Variants in DMD observed in about 807,000 individuals in gnomAD.
The protein encoded by DMD is dystrophin.
In DMD, 63 loss-of-function variants were observed where a neutral mutation model predicts 330.1. That is an observed-to-expected ratio of 0.19 (90% CI 0.16 to 0.24). The LOEUF is 0.24. DMD is among the 10% of genes least tolerant of loss of function. The pLI, the probability that DMD is intolerant of heterozygous loss-of-function variation, is 1.00. For missense variants in DMD, 3,344 were observed against 2,684.1 expected, an observed-to-expected ratio of 1.25 and a Z score of -5.43; for synonymous variants, 1,223 against 959.8, an observed-to-expected ratio of 1.27 and a Z score of -5.07.
chrX:32,042,114 TAC>T (rs765385829), intron 44 of DMD, among the ~76,000 whole-genome samples: 83 of 91,248 alleles, frequency 9.1e-4, no homozygotes, highest in African/African-American at 3.1e-3. Flanking sequence ...TACATACATA[TAC>T]ACACATATGT....
chrX:33,067,781 G>A (rs2094687693), intron 1 of DMD, among the ~76,000 whole-genome samples: 1 of 110,888 alleles, frequency 9.0e-6, no homozygotes, highest in Middle Eastern at 4.7e-3. Context: ...AGAGGTGGAG[G>A]TTGCAGTGAG....
At chrX:31,613,906 C>T (rs994700082) in intron 55 of DMD, among the ~76,000 whole-genome samples, 7 of 111,861 alleles carry the variant, frequency 6.3e-5, no homozygotes, top group African/African-American at 2.0e-4. Context: ...TTTTCCACTA[C>T]GGGTATATAT....
chrX:32,374,681 G>C (rs1258099572), intron 34 of DMD, among the ~76,000 whole-genome samples: 2 of 111,471 alleles, frequency 1.8e-5, no homozygotes, highest in Non-Finnish European at 3.8e-5. Context: ...ATCTGTAATA[G>C]TATTATGCTG....
chrX:32,430,709 T>A (rs964215564), intron 29 of DMD, among the ~76,000 whole-genome samples: 4 of 111,579 alleles, frequency 3.6e-5, no homozygotes, highest in African/African-American at 9.8e-5. Flanking sequence ...TATCTCTCCA[T>A]TTTTCCCTTC....
intron 60 of DMD, among the ~76,000 whole-genome samples, chrX:31,430,124 G>A (rs956484416): frequency 9.0e-6 from 1 of 111,314 alleles, no homozygotes; most frequent in Non-Finnish European, 1.9e-5. Flanking sequence ...GGGCAATCAA[G>A]ACTGCGAGAG....
At chrX:32,391,050 C>A (rs2097998481) in intron 30 of DMD, among the ~76,000 whole-genome samples, 1 of 111,559 alleles carries the variant, frequency 9.0e-6, no homozygotes, top group Non-Finnish European at 1.9e-5. Flanking sequence ...AAAGTATATT[C>A]TGCATTTAAC....
At chrX:31,678,970 C>T (rs1462836649) in intron 53 of DMD, among the ~76,000 whole-genome samples, 2 of 111,886 alleles carry the variant, frequency 1.8e-5, no homozygotes, top group Non-Finnish European at 3.8e-5. Context: ...CTAACTCATG[C>T]CTGTAATCCT....
chrX:32,627,322 T>C (rs1212078548), intron 11 of DMD, among the ~76,000 whole-genome samples: 2 of 103,873 alleles, frequency 1.9e-5, no homozygotes, highest in Non-Finnish European at 3.8e-5. Context: ...AACATGCGTT[T>C]ACTTATTTAT....
At chrX:33,148,239 A>G (rs1232053231) in intron 1 of DMD, among the ~76,000 whole-genome samples, 1 of 112,655 alleles carries the variant, frequency 8.9e-6, no homozygotes, top group Non-Finnish European at 1.9e-5. Flanking sequence ...AAAGAAGCAC[A>G]GTAAACTCCA....
At chrX:31,266,713 C>T in intron 62 of DMD, 1 of 911,573 alleles carries the variant, frequency 1.1e-6, no homozygotes, top group Middle Eastern at 2.6e-4. Context: ...AGCCGCCGCG[C>T]CTGTCCAAGT....
At chrX:31,548,127 C>T (rs886133420) in intron 55 of DMD, among the ~76,000 whole-genome samples, 31 of 112,016 alleles carry the variant, frequency 2.8e-4, no homozygotes, top group African/African-American at 9.4e-4. Context: ...AGAGTATTTT[C>T]GTAGCACCAG....
chrX:32,092,569 T>G (rs1199662194), intron 44 of DMD, among the ~76,000 whole-genome samples: 2 of 110,978 alleles, frequency 1.8e-5, no homozygotes, highest in Non-Finnish European at 3.8e-5. Flanking sequence ...TTCATTTATC[T>G]ATACATGTTT....
At chrX:33,210,331 A>C (rs1603418648) in intron 1 of DMD, among the ~76,000 whole-genome samples, 1 of 110,075 alleles carries the variant, frequency 9.1e-6, no homozygotes, top group African/African-American at 3.3e-5. Flanking sequence ...GAATAACTAC[A>C]CTCCACAAGT....
At position 32,958,072 on chromosome X, in the gene DMD, A is replaced by G. The variant is rs187730042; in HGVS notation, c.93+62067T>C. ...ATGTATATAGTAAGGTAATTACCAT[A>G]TAAGCAATTATACTAATGTCATTAG... On this transcript the variant is annotated intron_variant, in intron 2 of 78. Transcript: ENST00000357033. 3.3e-3 allele frequency among the ~76,000 whole-genome samples: 375 copies of G among 112,038 alleles called. 1 individual carries two copies. Among genetic ancestry groups the G allele is most frequent in the South Asian group, 0.015 (42 of 2,717 alleles).
chrX:31,484,197 A>C (rs1260412249), intron 57 of DMD, among the ~76,000 whole-genome samples: 1 of 111,840 alleles, frequency 8.9e-6, no homozygotes, highest in African/African-American at 3.2e-5. Context: ...CTTGTCTCCC[A>C]AAAAGGCCTG....
chrX:31,809,961 G>T (rs780717547), intron 50 of DMD, among the ~76,000 whole-genome samples: 1 of 111,105 alleles, frequency 9.0e-6, no homozygotes, highest in Non-Finnish European at 1.9e-5. Context: ...CCACTAAACA[G>T]CTGGTCAAGC....
intron 55 of DMD, among the ~76,000 whole-genome samples, chrX:31,525,496 TATC>T (rs2073175635): frequency 8.9e-6 from 1 of 111,987 alleles, no homozygotes; most frequent in South Asian, 3.7e-4. Context: ...TGTTTTAAAA[TATC>T]ATTAAATGTA....
At chrX:31,580,579 G>T (rs2076295338) in intron 55 of DMD, among the ~76,000 whole-genome samples, 1 of 111,952 alleles carries the variant, frequency 8.9e-6, no homozygotes, top group Non-Finnish European at 1.9e-5. Context: ...AGGCGGTTTG[G>T]TAATGGACTG....
intron 43 of DMD, among the ~76,000 whole-genome samples, chrX:32,237,542 A>G (rs1472515006): frequency 1.8e-5 from 2 of 111,144 alleles, no homozygotes; most frequent in Non-Finnish European, 3.8e-5. Flanking sequence ...TGCAGGTAAT[A>G]CTAATGCTCC....
Sources: gnomAD v4.1 joint callset for allele counts (sites outside exome capture counted in the v4.1 genomes callset) on GRCh38, gnomAD v4.1.1 for gene constraint, MANE v1.5 for transcripts, NCBI Gene and HGNC (gene_info 2026-07-23, HGNC 2026-07-21) for gene names.